Variants in APC observed in about 807,000 individuals in gnomAD.
APC encodes APC regulator of Wnt signaling pathway.
A neutral mutation model predicts 247.0 loss-of-function variants in APC; 72 were observed. The observed-to-expected ratio is 0.29, with a 90% CI of 0.24 to 0.35. The LOEUF (loss-of-function observed/expected upper bound fraction) is 0.35, where lower values mean the gene tolerates loss of function less well. Among genes scored for constraint, APC ranks in the 10% least tolerant of loss-of-function variants. The probability of loss-of-function intolerance (pLI) is 1.00; values close to 1 mark genes in which losing one functional copy is unlikely to be tolerated. For missense variants in APC, 3,400 were observed against 3,360.7 expected (o/e 1.01, Z -0.29); for synonymous variants, 1,254 against 1,162.5 (o/e 1.08, Z -1.60).
intron 1 of APC, among the ~76,000 whole-genome samples, chr5:112,752,161 AT>A (rs1393016570): frequency 3.9e-5 from 6 of 152,110 alleles, no homozygotes; most frequent in East Asian, 1.9e-4. Flanking sequence ...ATCTTTTATG[AT>A]TCTTTTGCTT....
intron 1 of APC, among the ~76,000 whole-genome samples, chr5:112,719,450 T>A (rs1256637444): frequency 6.6e-6 from 1 of 151,818 alleles, no homozygotes; most frequent in African/African-American, 2.4e-5. Flanking sequence ...CTGGAACTCC[T>A]GACCTCAAAT....
chr5:112,745,924 TAAAG>T (rs1247423670), intron 1 of APC, among the ~76,000 whole-genome samples: 2 of 152,140 alleles, frequency 1.3e-5, no homozygotes, highest in Non-Finnish European at 2.9e-5. Flanking sequence ...TTAGTAAAGA[TAAAG>T]AAATTGATAA....
chr5:112,746,939 G>A (rs1224220761), intron 1 of APC, among the ~76,000 whole-genome samples: 3 of 124,246 alleles, frequency 2.4e-5, no homozygotes, highest in African/African-American at 7.4e-5. Context: ...TGATAAGGTG[G>A]CCACACAAGG....
intron 4 of APC, among the ~76,000 whole-genome samples, chr5:112,774,001 C>A (rs1757327581): frequency 6.6e-6 from 1 of 152,038 alleles, no homozygotes; most frequent in Admixed American, 6.6e-5. Flanking sequence ...TAACATCTCA[C>A]AAGGGCAGTA....
rs1580655277 is a variant in APC, at chr5:112,840,612, A to G, written c.5018A>G (p.Glu1673Gly). 3.7e-6 allele frequency: 6 copies of G among 1,614,092 alleles called. No homozygotes were observed. The highest frequency in any genetic ancestry group is 5.1e-6 in the Non-Finnish European group (6 of 1,179,988). The change falls in exon 16 of 16, where the codon GAA becomes GGA. Residue 1673 changes from glutamate to glycine, a missense_variant. Glu to Gly is a moderately conservative substitution (Grantham distance 98, BLOSUM62 -2). Transcript: ENST00000257430. The surrounding 1 kb of genome is among the most constrained non-coding windows in gnomAD (Gnocchi z 4.1). ...ESPPNELAAG[E>G]GVRGGAQSGE... ...CCTCCAAATGAGTTAGCTGCTGGAGAAGGAGTTAGAGGAGGGGCACAGTCA... is the reference window on the plus strand; with the variant it reads ...CCTCCAAATGAGTTAGCTGCTGGAGGAGGAGTTAGAGGAGGGGCACAGTCA...
intron 14 of APC, among the ~76,000 whole-genome samples, chr5:112,832,046 A>AG (rs1215222547): frequency 6.6e-6 from 1 of 152,094 alleles, no homozygotes; most frequent in East Asian, 1.9e-4. Context: ...GATTTATTTA[A>AG]GTTTTTCTAT....
chr5:112,818,845 G>GTC, intron 9 of APC, 121 bp from the exon 10 acceptor site: 1 of 707,384 alleles, frequency 1.4e-6, no homozygotes, highest in Middle Eastern at 4.4e-4. Context: ...TTTTTTTTTT[G>GTC]GCGGGGGGGG....
intron 1 of APC, among the ~76,000 whole-genome samples, chr5:112,731,760 G>T (rs1423592248): frequency 1.3e-5 from 2 of 151,624 alleles, no homozygotes; most frequent in African/African-American, 2.4e-5. Context: ...GGGTTTTTTT[G>T]GTTTTGTTTT....
chr5:112,741,772 A>G (rs1460722330), intron 1 of APC, among the ~76,000 whole-genome samples: 2 of 152,106 alleles, frequency 1.3e-5, no homozygotes, highest in Non-Finnish European at 2.9e-5. Flanking sequence ...AAACACTAAC[A>G]TGCCATTTTC....
At chr5:112,750,639 A>AGT (rs1754250690) in intron 1 of APC, among the ~76,000 whole-genome samples, 1 of 152,178 alleles carries the variant, frequency 6.6e-6, no homozygotes, top group Non-Finnish European at 1.5e-5. Context: ...ATTTGTTTGA[A>AGT]GTACCCTAAG....
rs144419052 is a variant in APC at position 112,776,687 on chromosome 5, A to G, written c.531+950A>G. ...ACTCTGTCTCTACTAAAGTAAATAC[A>G]AAAATTAGCCAGACATGGTGGTGCA... On this transcript the variant is annotated intron_variant, in intron 5 of 15. Coordinates refer to ENST00000257430, the MANE Select transcript of APC (RefSeq NM_000038.6). 4.6e-5 allele frequency among the ~76,000 whole-genome samples: 7 copies of G among 152,220 alleles called. No individual in the cohort carries two copies. In the East Asian group the frequency reaches 1.4e-3, roughly 29 times the overall value.
rs773796815 is a variant in APC, at chr5:112,838,098, C to T, written c.2504C>T (p.Ser835Phe). 1 of 1,614,210 alleles carries T rather than the reference C, an allele frequency of 6.2e-7. No individual in the cohort carries two copies. Among genetic ancestry groups the T allele is most frequent in the South Asian group, 1.1e-5 (1 of 91,082 alleles). ...AATACTACAGTGTTACCCAGCTCCT[C>T]TTCATCAAGAGGAAGCTTAGATAGT... ...YLNTTVLPSSSSSRGSLDSSR... is the reference protein window; with the variant it reads ...YLNTTVLPSSFSSRGSLDSSR... The change falls in exon 16 of 16, where the codon TCT becomes TTT. Residue 835 changes from serine to phenylalanine, a missense_variant. By Grantham distance (155) the Ser-to-Phe change is radical. Coordinates refer to ENST00000257430, the MANE Select transcript of APC (RefSeq NM_000038.6).
chr5:112,764,595 CAT>C (rs1466520392), intron 2 of APC, among the ~76,000 whole-genome samples: 1 of 152,156 alleles, frequency 6.6e-6, no homozygotes, highest in African/African-American at 2.4e-5. Flanking sequence ...TGGTACCTGT[CAT>C]ACAGATGTAA....
Position 112,843,008 on chromosome 5 carries a change from G to C in APC, c.7414G>C (p.Ala2472Pro), listed in dbSNP as rs1580682363. The stretch of plus-strand genomic sequence containing the variant: ...ATCTCTTTCTCCATCATCTAGACCA[G>C]CTTCTCCCACTAGGTCCCAGGCACA... The part of the protein sequence containing the change: ...FESLSPSSRP[A>P]SPTRSQAQTP... Residue 2472 changes from alanine (A) to proline (P), a missense_variant, in exon 16 of 16, where the codon GCT (alanine) becomes CCT (proline). Physicochemically the swap from Ala to Pro is conservative, Grantham distance 27 (BLOSUM62 -1). Coordinates refer to ENST00000257430, the MANE Select transcript of APC (RefSeq NM_000038.6). This position sits in a 1 kb window ranked among gnomAD's most constrained non-coding sequence, Gnocchi z 4.8. 1 of 1,614,042 alleles carries C rather than the reference G, an allele frequency of 6.2e-7. No homozygotes were observed. Among genetic ancestry groups the C allele is most frequent in the Non-Finnish European group, 8.5e-7 (1 of 1,179,934 alleles).
At chr5:112,833,804 C>T (rs1725263005) in intron 14 of APC, among the ~76,000 whole-genome samples, 1 of 152,138 alleles carries the variant, frequency 6.6e-6, no homozygotes, top group South Asian at 2.1e-4. Flanking sequence ...TTATAAATTA[C>T]ATTGTTAATT....
chr5:112,801,515 T>G, intron 8 of APC, 132 bp downstream of exon 8: 1 of 638,508 alleles, frequency 1.6e-6, no homozygotes, highest in Non-Finnish European at 2.8e-6. Context: ...CCAGAAGCAT[T>G]CAGTACCAAT....
rs1060503369 is a variant in APC at position 112,841,340 on chromosome 5, C to G, written c.5746C>G (p.Gln1916Glu). The change falls in exon 16 of 16, where the codon CAG (glutamine) becomes GAG (glutamate). Residue 1916 changes from glutamine (Q) to glutamate (E), a missense_variant. By Grantham distance (29) the Gln-to-Glu change is conservative. Around this residue, in one of 9 missense-constraint regions of APC, gnomAD observed 1,788 missense variants for 1,649.5 expected, o/e 1.08. Coordinates refer to ENST00000257430, the MANE Select transcript of APC (RefSeq NM_000038.6). The surrounding 1 kb of genome is among the most constrained non-coding windows in gnomAD (Gnocchi z 4.6). ...SANKTQAIAK[Q>E]PINRGQPKPI... ...TAATAAGACACAAGCTATTGCAAAG[C>G]AGCCAATAAATCGAGGTCAGCCTAA... 1 of 1,613,914 alleles carries G rather than the reference C, an allele frequency of 6.2e-7. No individual in the cohort carries two copies. Among genetic ancestry groups the G allele is most frequent in the South Asian group, 1.1e-5 (1 of 91,076 alleles).
At chr5:112,761,419 CAG>C (rs1306820978) in intron 2 of APC, among the ~76,000 whole-genome samples, 1 of 151,566 alleles carries the variant, frequency 6.6e-6, no homozygotes, top group Non-Finnish European at 1.5e-5. Context: ...AAAATTTTGA[CAG>C]AGAATTGGAG....
chr5:112,761,291 C>T (rs951131431), intron 2 of APC, among the ~76,000 whole-genome samples: 1 of 151,814 alleles, frequency 6.6e-6, no homozygotes, highest in African/African-American at 2.4e-5. Context: ...TACTGATAAT[C>T]AAGGGAACAA....
Sources: gnomAD v4.1 joint callset for allele counts (sites outside exome capture counted in the v4.1 genomes callset) on GRCh38, gnomAD v4.1.1 for gene constraint, gnomAD v4.1.1 regional missense constraint, Gnocchi (gnomAD v3.1) non-coding constraint, MANE v1.5 for transcripts, NCBI Gene and HGNC (gene_info 2026-07-23, HGNC 2026-07-21) for gene names.